MAP2K5: variants seen among roughly 807,000 people sequenced by gnomAD.
The protein encoded by MAP2K5 is mitogen-activated protein kinase kinase 5.
Under a neutral mutation model 83.1 loss-of-function variants are expected in MAP2K5, and 49 were observed. That is an observed-to-expected ratio of 0.59 (90% confidence interval 0.47 to 0.75). The LOEUF is 0.75. MAP2K5 is among the 30% of genes least tolerant of loss of function. The pLI, the probability that MAP2K5 is intolerant of heterozygous loss-of-function variation, is 0.00. For missense variants in MAP2K5, 457 were observed against 557.5 expected (o/e 0.82, Z 1.82); for synonymous variants, 202 against 191.8 (o/e 1.05, Z -0.44).
chr15:67,571,782 TG>T (rs1244753381), intron 3 of MAP2K5, among the ~76,000 whole-genome samples: 1 of 152,196 alleles, frequency 6.6e-6, no homozygotes, highest in Admixed American at 6.5e-5. Flanking sequence ...AATAGAGAGC[TG>T]GGGCCTGAGG....
chr15:67,578,864 C>T (rs2085119515), intron 3 of MAP2K5, among the ~76,000 whole-genome samples: 1 of 152,154 alleles, frequency 6.6e-6, no homozygotes, highest in African/African-American at 2.4e-5. Flanking sequence ...TGACCCTTTA[C>T]ATTTGAGGTT....
intron 8 of MAP2K5, among the ~76,000 whole-genome samples, chr15:67,607,699 A>G (rs2085810762): frequency 6.6e-6 from 1 of 152,204 alleles, no homozygotes; most frequent in African/African-American, 2.4e-5. Flanking sequence ...TTTGAAAGAC[A>G]CTAAATTTCA....
In MAP2K5 at chr15:67,665,720, T is replaced by C. The variant is rs2087359527; in HGVS notation, c.847+1075T>C. Among the ~76,000 whole-genome samples the C allele has an allele frequency of 6.6e-6, 1 of 152,140 alleles. No homozygotes were observed. The highest frequency in any genetic ancestry group is 6.6e-5 in the Admixed American group (1 of 15,256). ...TAACTGACTAAATGGAATCATAAAC[T>C]AGATTTATTTTTAAAGCCAGTCCAC... On this transcript the variant is annotated intron_variant, in intron 13 of 21. Transcript: ENST00000178640. The surrounding 1 kb of genome is among the most constrained non-coding windows in gnomAD (Gnocchi z 4.2).
At chr15:67,798,918 C>T (rs553651040) in intron 21 of MAP2K5, among the ~76,000 whole-genome samples, 1 of 152,268 alleles carries the variant, frequency 6.6e-6, no homozygotes, top group African/African-American at 2.4e-5. Flanking sequence ...CGCCTGTAAT[C>T]CCAGCACTTT....
At chr15:67,658,942 G>A in intron 12 of MAP2K5, 1 of 406,392 alleles carries the variant, frequency 2.5e-6, no homozygotes, top group South Asian at 1.9e-5. Flanking sequence ...GTTATGATTA[G>A]CATATGATTA....
Position 67,650,919 on chromosome 15 carries a change from T to A in MAP2K5, c.736+4450T>A, listed in dbSNP as rs567293039. Among the ~76,000 whole-genome samples, 10 of 152,302 alleles carry A rather than the reference T, an allele frequency of 6.6e-5. No individual in the cohort carries two copies. In the East Asian group the frequency reaches 9.6e-4, roughly 15 times the overall value. On this transcript the variant is annotated intron_variant, in intron 11 of 21. Transcript: ENST00000178640. ...GAAGGATTCATGTTAATTCTTTTTT[T>A]AAAACATTTTAGGGGCTGGACAGGG...
chr15:67,626,560 G>A (rs902235340), intron 8 of MAP2K5, among the ~76,000 whole-genome samples: 1 of 151,876 alleles, frequency 6.6e-6, no homozygotes, highest in Non-Finnish European at 1.5e-5. Context: ...ATAATATAGG[G>A]GATAGGGTTC....
At position 67,782,699 on chromosome 15, in the gene MAP2K5, C is replaced by A. The variant is rs911588424; in HGVS notation, c.1242+9947C>A. On this transcript the variant is annotated intron_variant, in intron 21 of 21. Coordinates refer to ENST00000178640, the MANE Select transcript of MAP2K5 (RefSeq NM_145160.3). The surrounding 1 kb of genome is among the most constrained non-coding windows in gnomAD (Gnocchi z 4.9). ...TTTCTAATTTTTAAATTAAACATGA[C>A]TTTTTTTTTAAGCCACAGCTTTGCC... Among the ~76,000 whole-genome samples the A allele has an allele frequency of 1.3e-5, 2 of 151,646 alleles. No individual in the cohort carries two copies. Among genetic ancestry groups the A allele is most frequent in the African/African-American group, 4.8e-5 (2 of 41,322 alleles).
intron 2 of MAP2K5, among the ~76,000 whole-genome samples, chr15:67,553,193 A>G (rs2084547374): frequency 6.6e-6 from 1 of 152,196 alleles, no homozygotes; most frequent in African/African-American, 2.4e-5. Flanking sequence ...AACGAAGCTT[A>G]GAGGCCTGAA....
chr15:67,798,367 G>A (rs540169763), intron 21 of MAP2K5, among the ~76,000 whole-genome samples: 1 of 152,292 alleles, frequency 6.6e-6, no homozygotes, highest in East Asian at 1.9e-4. Flanking sequence ...CAGGCCAGTG[G>A]CACAATTCTG....
In MAP2K5 at chr15:67,720,594, C is replaced by T. The variant is rs928048371; in HGVS notation, c.1045-7322C>T. Among the ~76,000 whole-genome samples the T allele has an allele frequency of 4.6e-5, 7 of 152,092 alleles. No homozygotes were observed. Among genetic ancestry groups the T allele is most frequent in the Non-Finnish European group, 8.8e-5 (6 of 68,020 alleles). On this transcript the variant is annotated intron_variant, in intron 16 of 21. Transcript: ENST00000178640. The surrounding 1 kb of genome is among the most constrained non-coding windows in gnomAD (Gnocchi z 5.7). ...GTAGTTTGGTAGCAGGAGAATTAGA[C>T]GTAAAGGTACTAATGCCTGAGGGGT...
At position 67,785,398 on chromosome 15, in the gene MAP2K5, A is replaced by G. The variant is rs964046410; in HGVS notation, c.1242+12646A>G. ...TTGCGGTTCACATTGCAGCATGGCT[A>G]CTTGTATCATTGCAGGCCAGCAGCA... On this transcript the variant is annotated intron_variant, in intron 21 of 21. Transcript: ENST00000178640. The surrounding 1 kb of genome is among the most constrained non-coding windows in gnomAD (Gnocchi z 4.4). 2.6e-5 allele frequency among the ~76,000 whole-genome samples: 4 copies of G among 152,232 alleles called. No homozygotes were observed. The highest frequency in any genetic ancestry group is 5.9e-5 in the Non-Finnish European group (4 of 68,040).
intron 8 of MAP2K5, 48 bp from the exon 9 acceptor site, chr15:67,630,840 A>G (rs749141709): frequency 2.0e-5 from 28 of 1,396,006 alleles, no homozygotes; most frequent in Non-Finnish European, 2.7e-5. Flanking sequence ...ACCATTTTGT[A>G]GGTTGTTTAG....
rs1454981143 is a variant in MAP2K5 at position 67,563,544 on chromosome 15, C to A, written c.252+194C>A. On this transcript the variant is annotated intron_variant, in intron 3 of 21. Coordinates refer to ENST00000178640, the MANE Select transcript of MAP2K5 (RefSeq NM_145160.3). The surrounding 1 kb of genome is among the most constrained non-coding windows in gnomAD (Gnocchi z 4.5). ...TTCAAAAGACACTTACTGATCATAT[C>A]ATAAACATTAAGAATAATGCATCTT... is the stretch of plus-strand genomic sequence containing the variant. Among the ~76,000 whole-genome samples the A allele has an allele frequency of 6.6e-6, 1 of 152,110 alleles. No homozygotes were observed. The highest frequency in any genetic ancestry group is 1.5e-5 in the Non-Finnish European group (1 of 68,032).
rs550920337 is a variant in MAP2K5 at position 67,629,246 on chromosome 15, T to C, written c.546-1642T>C. The C allele has an allele frequency of 2.1e-4, 126 of 610,842 alleles. 3 individuals are homozygous for C. In the East Asian group the frequency reaches 3.4e-3, roughly 17 times the overall value. The allele number at this position is 610,842 out of a possible 1,614,324, so 37.8% of individuals were successfully genotyped here. A position where few individuals can be genotyped will look rare whatever the true frequency, so the allele number is the denominator to read the frequency against. On this transcript the variant is annotated intron_variant, in intron 8 of 21. Coordinates refer to ENST00000178640, the MANE Select transcript of MAP2K5 (RefSeq NM_145160.3). Reference sequence around the variant, plus strand: ...AGCCAAGCACGGTGGTGGCAGGGCCTAGCTGCTACAAAGAAGACATGTTTT... The same window carrying C: ...AGCCAAGCACGGTGGTGGCAGGGCCCAGCTGCTACAAAGAAGACATGTTTT...
rs915789586 is a variant in MAP2K5, at chr15:67,806,653, C to T, written c.1250C>T (p.Pro417Leu). ...RPAPEELMGH[P>L]FIVQFNDGNA... is the part of the protein sequence containing the mutation. ...TCCTCCTCTTCCCCGCAGGGCCACCCGTTCATCGTGCAGTTCAATGATGGA... is the reference window on the plus strand; with the variant it reads ...TCCTCCTCTTCCCCGCAGGGCCACCTGTTCATCGTGCAGTTCAATGATGGA... The change falls in exon 22 of 22, where the codon CCG becomes CTG. Residue 417 changes from proline to leucine, a missense_variant. Transcript: ENST00000178640. 3.4e-5 allele frequency: 53 copies of T among 1,550,460 alleles called. No individual in the cohort carries two copies. The highest frequency in any genetic ancestry group is 4.4e-5 in the Non-Finnish European group (50 of 1,146,936).
intron 19 of MAP2K5, among the ~76,000 whole-genome samples, chr15:67,756,572 TTA>T (rs2089842409): frequency 6.8e-6 from 1 of 147,098 alleles, no homozygotes; most frequent in African/African-American, 2.5e-5. Flanking sequence ...TTGATAACAC[TTA>T]CGATCTACTC....
chr15:67,790,851 A>G lies in MAP2K5; in HGVS notation c.1243-15795A>G, dbSNP rs973254738. On this transcript the variant is annotated intron_variant, in intron 21 of 21. Transcript: ENST00000178640. This position sits in a 1 kb window ranked among gnomAD's most constrained non-coding sequence, Gnocchi z 4.6. ...GTACTGCAAAATTTAGGCCACTGATAGTTATGACTATGGAACTGCCTCTGG... is the reference window on the plus strand; with the variant it reads ...GTACTGCAAAATTTAGGCCACTGATGGTTATGACTATGGAACTGCCTCTGG... Among the ~76,000 whole-genome samples the G allele has an allele frequency of 2.0e-5, 3 of 152,218 alleles. No homozygotes were observed. Among genetic ancestry groups the G allele is most frequent in the Non-Finnish European group, 4.4e-5 (3 of 68,040 alleles).
chr15:67,630,647 T>C (rs2086451025), intron 8 of MAP2K5, among the ~76,000 whole-genome samples: 1 of 152,214 alleles, frequency 6.6e-6, no homozygotes, highest in African/African-American at 2.4e-5. Context: ...TTCTCATCTA[T>C]AAAAGGAGGA....
Sources: gnomAD v4.1 joint callset for allele counts (sites outside exome capture counted in the v4.1 genomes callset) on GRCh38, gnomAD v4.1.1 for gene constraint, Gnocchi (gnomAD v3.1) non-coding constraint, MANE v1.5 for transcripts, NCBI Gene and HGNC (gene_info 2026-07-23, HGNC 2026-07-21) for gene names.